The following RRAS2 variants were observed in gnomAD, a reference collection of about 807,000 sequenced individuals.
RRAS2 encodes the protein ras-related protein R-Ras2.
A neutral mutation model predicts 27.6 loss-of-function variants in RRAS2; 7 were observed. The observed-to-expected ratio is 0.25, with a 90% confidence interval of 0.14 to 0.48. The LOEUF is 0.48. RRAS2 is among the 20% of genes least tolerant of loss of function. The probability of loss-of-function intolerance (pLI) is 0.99; values close to 1 mark genes in which losing one functional copy is unlikely to be tolerated. For synonymous variants in RRAS2, 86 were observed against 90.9 expected, an observed-to-expected ratio of 0.95 and a Z score of 0.31; for missense variants, 178 against 256.2, an observed-to-expected ratio of 0.69 and a Z score of 2.08.
intron 1 of RRAS2, among the ~76,000 whole-genome samples, chr11:14,326,764 T>G (rs1202967857): frequency 6.6e-6 from 1 of 151,360 alleles, no homozygotes; most frequent in East Asian, 1.9e-4. Context: ...TCAATCCTAT[T>G]AAGAATATGA....
intron 1 of RRAS2, among the ~76,000 whole-genome samples, chr11:14,321,332 G>A (rs1156485585): frequency 6.6e-6 from 1 of 152,178 alleles, no homozygotes; most frequent in Non-Finnish European, 1.5e-5. Flanking sequence ...AATGGTGGTG[G>A]GACAGGGAAG....
chr11:14,335,606 T>A (rs1267761818), intron 1 of RRAS2, among the ~76,000 whole-genome samples: 2 of 152,202 alleles, frequency 1.3e-5, no homozygotes, highest in African/African-American at 4.8e-5. Flanking sequence ...TTAAAATAAC[T>A]TTTTCTTCTG....
chr11:14,289,637 AACCTCAGTGACTATTCTGTCT>A (rs1182328107), intron 4 of RRAS2, among the ~76,000 whole-genome samples: 1 of 152,198 alleles, frequency 6.6e-6, no homozygotes, highest in Non-Finnish European at 1.5e-5. Context: ...ATCTCACGTA[AACCTCAGTGACTATTCTGTCT>A]ACTGCTGCAT....
At chr11:14,316,887 T>A (rs1410701887) in intron 1 of RRAS2, among the ~76,000 whole-genome samples, 1 of 152,186 alleles carries the variant, frequency 6.6e-6, no homozygotes, top group African/African-American at 2.4e-5. Flanking sequence ...TAAATGACTA[T>A]CAGTTCCTGC....
At chr11:14,291,449 A>C (rs564207148) in intron 4 of RRAS2, among the ~76,000 whole-genome samples, 5 of 152,306 alleles carry the variant, frequency 3.3e-5, no homozygotes, top group African/African-American at 1.2e-4. Context: ...ATAAATGAGC[A>C]GAAAACTAAG....
intron 1 of RRAS2, among the ~76,000 whole-genome samples, chr11:14,320,368 G>A (rs1848197869): frequency 6.6e-6 from 1 of 152,190 alleles, no homozygotes; most frequent in Non-Finnish European, 1.5e-5. Context: ...CTGCATGCTT[G>A]TCTAGAGTCA....
chr11:14,311,084 A>AT lies in RRAS2; in HGVS notation c.109-15230dup, dbSNP rs1321869012. On this transcript the variant is annotated intron_variant, in intron 1 of 5. Transcript: ENST00000256196. ...CATTTTAGGCCAGAAGCAGTGGCTC[A>AT]TGCCTATAATGCCAACACTTTGGGA... Among the ~76,000 whole-genome samples, 5 of 152,356 alleles carry AT rather than the reference A, an allele frequency of 3.3e-5. No individual in the cohort carries two copies. In the South Asian group the frequency reaches 1.0e-3, roughly 32 times the overall value.
chr11:14,306,268 AC>A (rs11363249), intron 1 of RRAS2, among the ~76,000 whole-genome samples: 60,273 of 151,922 alleles, frequency 0.4, 12,207 homozygotes, highest in Admixed American at 0.49. Flanking sequence ...ATGTAAGAGT[AC>A]TATATTCTGG....
intron 1 of RRAS2, among the ~76,000 whole-genome samples, chr11:14,302,109 C>CACACACAT (rs1415452446): frequency 1.4e-5 from 2 of 138,908 alleles, no homozygotes; most frequent in Non-Finnish European, 1.6e-5. Context: ...CACACACACA[C>CACACACAT]ACCAAAAACC....
At chr11:14,287,453 C>T (rs1330964533) in intron 4 of RRAS2, among the ~76,000 whole-genome samples, 2 of 152,088 alleles carry the variant, frequency 1.3e-5, no homozygotes, top group East Asian at 3.8e-4. Context: ...AATACACGTA[C>T]TTATTAGAAT....
upstream of RRAS2, among the ~76,000 whole-genome samples, chr11:14,361,885 G>T (rs369253044): frequency 4.6e-5 from 7 of 152,276 alleles, no homozygotes; most frequent in South Asian, 1.5e-3. Flanking sequence ...GTATAGCCAC[G>T]CAATAGAATA....
At chr11:14,293,124 A>AAAC (rs1554946033) in intron 4 of RRAS2, among the ~76,000 whole-genome samples, 2 of 76,822 alleles carry the variant, frequency 2.6e-5, no homozygotes, top group South Asian at 4.4e-4. Flanking sequence ...AAACAAAACA[A>AAAC]ATATATATAT....
intron 1 of RRAS2, among the ~76,000 whole-genome samples, chr11:14,319,789 C>A (rs1384448964): frequency 6.6e-6 from 1 of 152,128 alleles, no homozygotes; most frequent in Non-Finnish European, 1.5e-5. Flanking sequence ...GATAAACCTA[C>A]CTAAAAGACT....
chr11:14,291,322 G>A (rs1330491216), intron 4 of RRAS2, among the ~76,000 whole-genome samples: 1 of 152,158 alleles, frequency 6.6e-6, no homozygotes, highest in African/African-American at 2.4e-5. Context: ...AAGATTAGTG[G>A]TCATGACTTT....
intron 1 of RRAS2, among the ~76,000 whole-genome samples, chr11:14,355,734 AAC>A (rs1364493172): frequency 7.2e-5 from 11 of 152,168 alleles, no homozygotes; most frequent in Admixed American, 7.2e-4. Flanking sequence ...AAATTGTAAA[AAC>A]AGTCTGGTGT....
At chr11:14,329,467 G>A (rs963356379) in intron 1 of RRAS2, among the ~76,000 whole-genome samples, 9 of 152,068 alleles carry the variant, frequency 5.9e-5, no homozygotes, top group African/African-American at 1.9e-4. Context: ...AATCAAGTTA[G>A]GCTTTTAGAC....
chr11:14,354,223 A>G (rs1849024400), intron 1 of RRAS2, among the ~76,000 whole-genome samples: 1 of 152,226 alleles, frequency 6.6e-6, no homozygotes, highest in African/African-American at 2.4e-5. Flanking sequence ...CTAACAGGTC[A>G]TAGGACTGAC....
chr11:14,322,777 G>A (rs372867984), intron 1 of RRAS2, among the ~76,000 whole-genome samples: 2 of 151,968 alleles, frequency 1.3e-5, no homozygotes, highest in East Asian at 1.9e-4. Flanking sequence ...TCAAGATTCC[G>A]GATTAAATGT....
chr11:14,351,438 C>A (rs919374850), intron 1 of RRAS2, among the ~76,000 whole-genome samples: 2 of 152,084 alleles, frequency 1.3e-5, no homozygotes, highest in African/African-American at 4.8e-5. Context: ...TTCATGAAAG[C>A]AAATGCAGCC....
Sources: gnomAD v4.1 joint callset for allele counts (sites outside exome capture counted in the v4.1 genomes callset) on GRCh38, gnomAD v4.1.1 for gene constraint, MANE v1.5 for transcripts, NCBI Gene and HGNC (gene_info 2026-07-23, HGNC 2026-07-21) for gene names.